Variants in PPFIA2 observed in about 807,000 individuals in gnomAD.
PPFIA2 encodes the protein liprin-alpha-2.
In PPFIA2, 46 loss-of-function variants were observed where a neutral mutation model predicts 175.5. The ratio of observed to expected loss-of-function variants is 0.26; its 90% confidence interval spans 0.21 to 0.34. The LOEUF is 0.34. Among genes scored for constraint, PPFIA2 ranks in the 10% least tolerant of loss-of-function variants. The pLI is 1.00. For synonymous variants in PPFIA2, 568 were observed against 511.4 expected, an observed-to-expected ratio of 1.11 and a Z score of -1.49; for missense variants, 1,179 against 1,506.1, an observed-to-expected ratio of 0.78 and a Z score of 3.60.
At chr12:81,529,821 G>T (rs1049531125) in intron 4 of PPFIA2, among the ~76,000 whole-genome samples, 3 of 151,872 alleles carry the variant, frequency 2.0e-5, no homozygotes, top group Admixed American at 1.3e-4. Flanking sequence ...GGCTACTGGA[G>T]GGTAGAGGGT....
At chr12:81,533,140 A>G (rs1240081690) in intron 4 of PPFIA2, among the ~76,000 whole-genome samples, 1 of 151,724 alleles carries the variant, frequency 6.6e-6, no homozygotes, top group Admixed American at 6.6e-5. Flanking sequence ...AAAGGGATTT[A>G]ATAAAATGAA....
chr12:81,723,138 T>C (rs1338355489), intron 3 of PPFIA2, among the ~76,000 whole-genome samples: 1 of 151,124 alleles, frequency 6.6e-6, no homozygotes, highest in Non-Finnish European at 1.5e-5. Flanking sequence ...AAGAATATTC[T>C]GTGTTTTTAC....
intron 10 of PPFIA2, 69 bp from the exon 11 acceptor site, chr12:81,374,837 G>A: frequency 1.4e-6 from 2 of 1,419,222 alleles, no homozygotes; most frequent in Non-Finnish European, 1.9e-6. Flanking sequence ...AGTCGCCAGG[G>A]GCTTTGCACT....
chr12:81,613,348 C>A (rs2061122441), intron 4 of PPFIA2, among the ~76,000 whole-genome samples: 1 of 152,106 alleles, frequency 6.6e-6, no homozygotes, highest in Admixed American at 6.5e-5. Context: ...ATGAGAACCA[C>A]ATACAGATTA....
intron 1 of PPFIA2, among the ~76,000 whole-genome samples, chr12:81,758,896 T>A (rs2085096996): frequency 6.6e-6 from 1 of 151,406 alleles, no homozygotes; most frequent in South Asian, 2.1e-4. Flanking sequence ...GTGTGGGGCG[T>A]CCCTCCAAAA....
chr12:81,291,603 T>C (rs984917914), intron 24 of PPFIA2, among the ~76,000 whole-genome samples: 21 of 152,110 alleles, frequency 1.4e-4, no homozygotes, highest in South Asian at 1.2e-3. Context: ...GGCTTGGGGT[T>C]GATGGAAACC....
chr12:81,259,643 A>G lies in PPFIA2; in HGVS notation c.*51T>C, dbSNP rs1356713038. ...GATGGTAGTGCACTTTAGGTAGAGT[A>G]GACTGAAAAGACGCCATCTAAAATA... On this transcript the variant is annotated 3_prime_UTR_variant, in exon 33 of 33. Coordinates refer to ENST00000549396, the MANE Select transcript of PPFIA2 (RefSeq NM_003625.5). 6 of 1,534,468 alleles carry G rather than the reference A, an allele frequency of 3.9e-6. No homozygotes were observed. Among genetic ancestry groups the G allele is most frequent in the Non-Finnish European group, 5.2e-6 (6 of 1,145,710 alleles).
chr12:81,290,732 T>C (rs1387407599), intron 24 of PPFIA2, among the ~76,000 whole-genome samples: 1 of 151,554 alleles, frequency 6.6e-6, no homozygotes, highest in Non-Finnish European at 1.5e-5. Context: ...GGAGAAAAAA[T>C]AGCAACACAA....
chr12:81,358,634 C>T (rs1434962458), intron 15 of PPFIA2, among the ~76,000 whole-genome samples: 1 of 152,064 alleles, frequency 6.6e-6, no homozygotes, highest in African/African-American at 2.4e-5. Context: ...ATACATCTAG[C>T]TAAAAATGTC....
At chr12:81,642,390 C>T (rs983358526) in intron 4 of PPFIA2, among the ~76,000 whole-genome samples, 1 of 151,422 alleles carries the variant, frequency 6.6e-6, no homozygotes, top group Non-Finnish European at 1.5e-5. Context: ...ACTTATCACC[C>T]TCCTATGTTC....
chr12:81,358,212 T>A lies in PPFIA2; in HGVS notation c.1643A>T (p.His548Leu). 6.3e-7 allele frequency: 1 copy of A among 1,579,866 alleles called. No individual in the cohort carries two copies. Among genetic ancestry groups the A allele is most frequent in the Non-Finnish European group, 8.6e-7 (1 of 1,162,410 alleles). The change falls in exon 16 of 33, where the codon CAT (histidine) becomes CTT (leucine). Residue 548 changes from histidine to leucine, a missense_variant. This residue lies in a region of PPFIA2 where 186 missense variants were observed against 163.6 expected (regional missense o/e 1.14). Coordinates refer to ENST00000549396, the MANE Select transcript of PPFIA2 (RefSeq NM_003625.5). Reference sequence around the variant, plus strand: ...CCGCAACTCAGCTGAGGTGTCTAGATGAGTTCTGGAAAAAAGGAAAAATAT... The same window carrying A: ...CCGCAACTCAGCTGAGGTGTCTAGAAGAGTTCTGGAAAAAAGGAAAAATAT... ...SLIEPTIPRT[H>L]LDTSAELRYS...
intron 11 of PPFIA2, among the ~76,000 whole-genome samples, chr12:81,371,214 C>G (rs893339937): frequency 2.6e-5 from 4 of 151,556 alleles, no homozygotes; most frequent in Non-Finnish European, 4.4e-5. Context: ...AATTTAGAAG[C>G]TATACAGAGT....
intron 4 of PPFIA2, among the ~76,000 whole-genome samples, chr12:81,495,114 A>G (rs1479457020): frequency 6.6e-6 from 1 of 152,028 alleles, no homozygotes; most frequent in Non-Finnish European, 1.5e-5. Context: ...TTTTAAAAAA[A>G]AGAAAAAGTG....
rs537563528 is a variant in PPFIA2, at chr12:81,510,506, T to A, written c.304-52640A>T. Among the ~76,000 whole-genome samples, 80 of 152,282 alleles carry A rather than the reference T, an allele frequency of 5.3e-4. 3 individuals carry two copies. In the South Asian group the frequency reaches 0.016, roughly 30 times the overall value. On this transcript the variant is annotated intron_variant, in intron 4 of 32. Coordinates refer to ENST00000549396, the MANE Select transcript of PPFIA2 (RefSeq NM_003625.5). ...TTAATTACTTAGGTATGAGACACTA[T>A]TCAAAGCTCTTTACAGATTTTATTT...
chr12:81,317,979 A>G (rs2052784863), intron 22 of PPFIA2, among the ~76,000 whole-genome samples: 1 of 151,648 alleles, frequency 6.6e-6, no homozygotes. Flanking sequence ...ATTCCCTTTC[A>G]AAGTGGTCAA....
chr12:81,405,927 T>C, intron 7 of PPFIA2, 24 bp from the exon 8 acceptor site: 1 of 1,366,146 alleles, frequency 7.3e-7, no homozygotes, highest in African/African-American at 1.4e-5. Context: ...GCACTATGCC[T>C]TTAAAGTCTA....
intron 24 of PPFIA2, among the ~76,000 whole-genome samples, chr12:81,285,024 G>T (rs1456892732): frequency 6.6e-6 from 1 of 152,056 alleles, no homozygotes; most frequent in East Asian, 1.9e-4. Flanking sequence ...TACCATTATA[G>T]AGAAGAACAT....
intron 4 of PPFIA2, among the ~76,000 whole-genome samples, chr12:81,631,882 A>G (rs2063432351): frequency 6.6e-6 from 1 of 152,200 alleles, no homozygotes; most frequent in Non-Finnish European, 1.5e-5. Flanking sequence ...TAATGCCTTT[A>G]GTGACTTGGC....
chr12:81,476,393 T>G (rs1375290998), intron 4 of PPFIA2, among the ~76,000 whole-genome samples: 2 of 152,184 alleles, frequency 1.3e-5, no homozygotes, highest in East Asian at 3.8e-4. Flanking sequence ...TACTGAATAT[T>G]AAAAGCAATT....
Sources: gnomAD v4.1 joint callset for allele counts (sites outside exome capture counted in the v4.1 genomes callset) on GRCh38, gnomAD v4.1.1 for gene constraint, gnomAD v4.1.1 regional missense constraint, MANE v1.5 for transcripts, NCBI Gene and HGNC (gene_info 2026-07-23, HGNC 2026-07-21) for gene names.